FER: variants seen among roughly 807,000 people sequenced by gnomAD.
The protein encoded by FER is FER tyrosine kinase.
A neutral mutation model predicts 111.0 loss-of-function variants in FER; 63 were observed. That is an observed-to-expected ratio of 0.57 (90% CI 0.46 to 0.70). FER has a LOEUF of 0.70. Ranked by LOEUF, FER falls within the 30% of genes least tolerant of loss-of-function variation. The pLI, the probability that FER is intolerant of heterozygous loss-of-function variation, is 0.00. For missense variants in FER, 914 were observed against 954.0 expected, an observed-to-expected ratio of 0.96 and a Z score of 0.55; for synonymous variants, 327 against 313.9, an observed-to-expected ratio of 1.04 and a Z score of -0.44.
intron 10 of FER, among the ~76,000 whole-genome samples, chr5:108,923,247 G>A (rs751873087): frequency 6.6e-6 from 1 of 151,842 alleles, no homozygotes; most frequent in Non-Finnish European, 1.5e-5. Context: ...TTTGATGGAC[G>A]TGATATAAAG....
At chr5:108,841,438 T>A (rs1429879965) in intron 5 of FER, among the ~76,000 whole-genome samples, 2 of 152,210 alleles carry the variant, frequency 1.3e-5, no homozygotes, top group African/African-American at 2.4e-5. Context: ...TAATATATTT[T>A]TAAAAACTTT....
intron 10 of FER, 106 bp from the exon 11 acceptor site, chr5:108,946,024 T>G (rs1256575868): frequency 3.0e-6 from 2 of 674,224 alleles, no homozygotes. Context: ...TTTTATTTAG[T>G]TGGAAGACAT....
chr5:108,812,078 C>G (rs1757822832), intron 3 of FER, among the ~76,000 whole-genome samples: 1 of 152,322 alleles, frequency 6.6e-6, no homozygotes, highest in Middle Eastern at 3.4e-3. Context: ...AGTTTCTTTA[C>G]TCATGTTTGT....
At chr5:108,784,197 CCT>C (rs769660286) in intron 2 of FER, 1 of 153,664 alleles carries the variant, frequency 6.5e-6, no homozygotes, top group Non-Finnish European at 1.5e-5. Flanking sequence ...ATCCTGTCCA[CCT>C]CTCAAGACAA....
chr5:108,779,709 A>G (rs1486599084), intron 2 of FER, among the ~76,000 whole-genome samples: 1 of 152,166 alleles, frequency 6.6e-6, no homozygotes, highest in Non-Finnish European at 1.5e-5. Context: ...CAGATTTTCT[A>G]CACAGTCAAT....
At chr5:108,862,765 T>G (rs1333424867) in intron 5 of FER, among the ~76,000 whole-genome samples, 1 of 152,110 alleles carries the variant, frequency 6.6e-6, no homozygotes, top group Non-Finnish European at 1.5e-5. Flanking sequence ...CCTGACCTTT[T>G]GAACTGTTGT....
At chr5:108,975,093 T>A (rs1402966347) in intron 13 of FER, among the ~76,000 whole-genome samples, 2 of 152,168 alleles carry the variant, frequency 1.3e-5, no homozygotes, top group African/African-American at 2.4e-5. Context: ...TAAGTTCATG[T>A]CATTTGCAGG....
chr5:109,135,253 A>G (rs1048500251), intron 17 of FER, among the ~76,000 whole-genome samples: 4 of 152,170 alleles, frequency 2.6e-5, no homozygotes, highest in African/African-American at 9.7e-5. Flanking sequence ...CACCTTATGT[A>G]TATTCGTTCA....
intron 17 of FER, among the ~76,000 whole-genome samples, chr5:109,112,740 T>C (rs76598736): frequency 2.4e-4 from 36 of 152,266 alleles, no homozygotes; most frequent in African/African-American, 8.2e-4. Context: ...ATTAAATCAC[T>C]GTTTTAGAGT....
chr5:109,059,938 CTGA>C (rs1471024397), intron 16 of FER, among the ~76,000 whole-genome samples: 1 of 152,120 alleles, frequency 6.6e-6, no homozygotes, highest in Non-Finnish European at 1.5e-5. Context: ...TGTCCATCAG[CTGA>C]TGAATGAATA....
At position 108,871,369 on chromosome 5, in the gene FER, G is replaced by C. The variant is rs777486670; in HGVS notation, c.670G>C (p.Gly224Arg). 1 of 1,606,610 alleles carries C rather than the reference G, an allele frequency of 6.2e-7. No individual in the cohort carries two copies. Among genetic ancestry groups the C allele is most frequent in the South Asian group, 1.1e-5 (1 of 90,078 alleles). ...MQEEMIKALKGIFDEYSQITS... is the reference protein window; with the variant it reads ...MQEEMIKALKRIFDEYSQITS... ...AAATTTTATTTTTGTTTTCAGCAAAGGTATATTTGATGAATACAGCCAGAT... is the reference window on the plus strand; with the variant it reads ...AAATTTTATTTTTGTTTTCAGCAAACGTATATTTGATGAATACAGCCAGAT... Residue 224 changes from glycine to arginine, a missense_variant, in exon 7 of 20, where the codon GGT becomes CGT. Gly to Arg is a moderately radical substitution (Grantham distance 125). Transcript: ENST00000281092.
chr5:109,089,612 G>A (rs1280218405), intron 16 of FER, among the ~76,000 whole-genome samples: 1 of 152,150 alleles, frequency 6.6e-6, no homozygotes, highest in Non-Finnish European at 1.5e-5. Context: ...GAGAACTCCA[G>A]AAACCAGATA....
chr5:108,983,553 A>T (rs564485069), intron 13 of FER, among the ~76,000 whole-genome samples: 30 of 152,244 alleles, frequency 2.0e-4, no homozygotes, highest in African/African-American at 7.2e-4. Flanking sequence ...GAAGTTTTTG[A>T]CATTACAGTC....
chr5:108,942,684 C>T (rs954736069), intron 10 of FER, among the ~76,000 whole-genome samples: 4 of 152,082 alleles, frequency 2.6e-5, no homozygotes, highest in African/African-American at 9.7e-5. Context: ...AGGTTACTTA[C>T]TTATAAATGC....
At chr5:109,067,463 G>A (rs1016105888) in intron 16 of FER, among the ~76,000 whole-genome samples, 5 of 151,928 alleles carry the variant, frequency 3.3e-5, no homozygotes, top group Admixed American at 2.6e-4. Context: ...TTATGCAAAT[G>A]GAGACACATG....
chr5:108,795,349 A>G (rs780953991), intron 2 of FER, among the ~76,000 whole-genome samples: 3 of 144,122 alleles, frequency 2.1e-5, no homozygotes, highest in Non-Finnish European at 4.6e-5. Flanking sequence ...TTTTGAGACT[A>G]TTTTCTAGTT....
At chr5:109,085,599 AG>A (rs1286712997) in intron 16 of FER, among the ~76,000 whole-genome samples, 3 of 151,616 alleles carry the variant, frequency 2.0e-5, no homozygotes, top group Non-Finnish European at 3.0e-5. Context: ...AATGGTAAGT[AG>A]TAAGTGCAGG....
At chr5:108,898,502 CT>C (rs1054534424) in intron 10 of FER, among the ~76,000 whole-genome samples, 4 of 113,992 alleles carry the variant, frequency 3.5e-5, no homozygotes, top group African/African-American at 1.4e-4. Context: ...CTTCCTCTTT[CT>C]CTCTCCTTTC....
chr5:108,904,631 G>A lies in FER; in HGVS notation c.1236+6783G>A, dbSNP rs536931718. On this transcript the variant is annotated intron_variant, in intron 10 of 19. Transcript: ENST00000281092. ...AGTGAGGGAGTGACATTTTTACATG[G>A]TTTTCAATTTTTTGTTGTAAATACA... 2.6e-5 allele frequency among the ~76,000 whole-genome samples: 4 copies of A among 152,202 alleles called. No homozygotes were observed. The South Asian group carries it at 8.3e-4, about 32-fold the overall frequency.
Sources: allele counts gnomAD v4.1 joint callset (sites outside exome capture counted in the v4.1 genomes callset), GRCh38; gene constraint gnomAD v4.1.1; transcripts MANE v1.5; gene names NCBI Gene and HGNC (gene_info 2026-07-23, HGNC 2026-07-21).